The following CNTNAP2 variants were observed in gnomAD, a reference collection of about 807,000 sequenced individuals.
The protein encoded by CNTNAP2 is contactin-associated protein-like 2.
Under a neutral mutation model 155.2 loss-of-function variants are expected in CNTNAP2, and 98 were observed. The ratio of observed to expected loss-of-function variants is 0.63; its 90% CI spans 0.54 to 0.75. The LOEUF (loss-of-function observed/expected upper bound fraction) is 0.75, where lower values mean the gene tolerates loss of function less well. Ranked by LOEUF, CNTNAP2 falls within the 30% of genes least tolerant of loss-of-function variation. The pLI, the probability that CNTNAP2 is intolerant of heterozygous loss-of-function variation, is 0.00. For missense variants in CNTNAP2, 1,727 were observed against 1,688.1 expected (o/e 1.02, Z -0.40); for synonymous variants, 651 against 631.2 (o/e 1.03, Z -0.47).
intron 11 of CNTNAP2, among the ~76,000 whole-genome samples, chr7:147,493,924 TC>T (rs1192786467): frequency 1.3e-5 from 2 of 152,200 alleles, no homozygotes; most frequent in Admixed American, 1.3e-4. Flanking sequence ...TGATGCAACT[TC>T]AGCATGGTGC....
At chr7:147,358,366 A>G (rs868747922) in intron 9 of CNTNAP2, among the ~76,000 whole-genome samples, 1 of 152,168 alleles carries the variant, frequency 6.6e-6, no homozygotes, top group Non-Finnish European at 1.5e-5. Flanking sequence ...TATGGTAATT[A>G]TATTACCCAT....
At chr7:146,914,059 C>T (rs1796343621) in intron 3 of CNTNAP2, among the ~76,000 whole-genome samples, 1 of 152,022 alleles carries the variant, frequency 6.6e-6, no homozygotes. Context: ...CCAGTTTCAT[C>T]CAGGTTGCTA....
chr7:147,608,811 T>G (rs1173558742), intron 12 of CNTNAP2, among the ~76,000 whole-genome samples: 1 of 151,338 alleles, frequency 6.6e-6, no homozygotes, highest in African/African-American at 2.4e-5. Flanking sequence ...GAAAAGAGAG[T>G]CAGCAAAGGG....
intron 15 of CNTNAP2, among the ~76,000 whole-genome samples, chr7:147,988,004 C>T (rs1011802065): frequency 3.3e-5 from 5 of 152,048 alleles, no homozygotes. Context: ...AGGTTTTATA[C>T]ATTTTAGAGA....
chr7:146,513,560 A>G (rs1290377120), intron 1 of CNTNAP2, among the ~76,000 whole-genome samples: 1 of 152,072 alleles, frequency 6.6e-6, no homozygotes, highest in Non-Finnish European at 1.5e-5. Flanking sequence ...TACAGAAACA[A>G]AGAAAACTAT....
intron 1 of CNTNAP2, among the ~76,000 whole-genome samples, chr7:146,716,008 C>T (rs1487020052): frequency 6.6e-6 from 1 of 151,944 alleles, no homozygotes; most frequent in Non-Finnish European, 1.5e-5. Flanking sequence ...AATGAGCAGC[C>T]GCCATAGGTC....
At chr7:148,113,685 T>G (rs1411988560) in intron 15 of CNTNAP2, among the ~76,000 whole-genome samples, 1 of 152,218 alleles carries the variant, frequency 6.6e-6, no homozygotes, top group Admixed American at 6.5e-5. Context: ...CTGCACTAGC[T>G]AGAGGTGCCT....
intron 14 of CNTNAP2, among the ~76,000 whole-genome samples, chr7:147,951,746 C>A (rs184647826): frequency 7.1e-4 from 107 of 150,676 alleles, no homozygotes; most frequent in Admixed American, 5.4e-3. Context: ...GGGAGGGGAA[C>A]AACATACAAG....
intron 3 of CNTNAP2, among the ~76,000 whole-genome samples, chr7:146,991,545 A>G (rs974130795): frequency 1.3e-5 from 2 of 152,214 alleles, no homozygotes; most frequent in African/African-American, 4.8e-5. Context: ...AGAAGTTACG[A>G]ACAGAATTGT....
chr7:146,669,040 T>C (rs1167798833), intron 1 of CNTNAP2, among the ~76,000 whole-genome samples: 1 of 152,170 alleles, frequency 6.6e-6, no homozygotes, highest in Non-Finnish European at 1.5e-5. Flanking sequence ...TCTATAAATA[T>C]CAAATAAATG....
intron 3 of CNTNAP2, among the ~76,000 whole-genome samples, chr7:146,960,754 A>C (rs1287419975): frequency 1.3e-5 from 2 of 152,196 alleles, no homozygotes; most frequent in African/African-American, 4.8e-5. Flanking sequence ...ATCTAAGGCT[A>C]AGGTTCTCCA....
intron 16 of CNTNAP2, among the ~76,000 whole-genome samples, chr7:148,136,270 A>T (rs1804946631): frequency 6.6e-6 from 1 of 152,028 alleles, no homozygotes; most frequent in Admixed American, 6.6e-5. Flanking sequence ...GTGACTCCCG[A>T]TGTTGGAGGT....
chr7:147,597,371 A>G (rs980720553), intron 12 of CNTNAP2, among the ~76,000 whole-genome samples: 6 of 152,158 alleles, frequency 3.9e-5, no homozygotes, highest in African/African-American at 1.2e-4. Flanking sequence ...TTTTAGGACC[A>G]GTTCAAATAT....
At chr7:147,221,665 C>G (rs1370416711) in intron 8 of CNTNAP2, among the ~76,000 whole-genome samples, 2 of 152,174 alleles carry the variant, frequency 1.3e-5, no homozygotes, top group Admixed American at 1.3e-4. Context: ...TTTATCTTTA[C>G]TTACTTCTTC....
chr7:147,014,911 C>T (rs1341292605), intron 3 of CNTNAP2, among the ~76,000 whole-genome samples: 5 of 152,034 alleles, frequency 3.3e-5, no homozygotes, highest in Admixed American at 3.3e-4. Flanking sequence ...AATTGAGATG[C>T]CTGACAAATT....
At chr7:148,263,532 T>A (rs1282656010) in intron 20 of CNTNAP2, among the ~76,000 whole-genome samples, 3 of 151,452 alleles carry the variant, frequency 2.0e-5, no homozygotes, top group Non-Finnish European at 4.4e-5. Context: ...AGGTCAAGAG[T>A]TCGAGACCAT....
chr7:146,222,052 G>A (rs1018075141), intron 1 of CNTNAP2, among the ~76,000 whole-genome samples: 4 of 152,194 alleles, frequency 2.6e-5, no homozygotes, highest in African/African-American at 4.8e-5. Flanking sequence ...TGTCAAGAAG[G>A]TGGAAATAGA....
intron 14 of CNTNAP2, among the ~76,000 whole-genome samples, chr7:147,920,761 A>G (rs1800261102): frequency 6.6e-6 from 1 of 150,560 alleles, no homozygotes; most frequent in African/African-American, 2.5e-5. Flanking sequence ...TGTCTTCACA[A>G]TCCCTACACC....
chr7:146,415,217 C>CAT (rs1182137916), intron 1 of CNTNAP2, among the ~76,000 whole-genome samples: 1 of 152,084 alleles, frequency 6.6e-6, no homozygotes, highest in Non-Finnish European at 1.5e-5. Flanking sequence ...CACACACACA[C>CAT]ATACCACACC....
Sources: gnomAD v4.1 joint callset for allele counts (sites outside exome capture counted in the v4.1 genomes callset) on GRCh38, gnomAD v4.1.1 for gene constraint, MANE v1.5 for transcripts, NCBI Gene and HGNC (gene_info 2026-07-23, HGNC 2026-07-21) for gene names.